The following SP100 variants were observed in gnomAD, a reference collection of about 807,000 sequenced individuals.
SP100 encodes the protein nuclear autoantigen Sp-100.
A neutral mutation model predicts 130.0 loss-of-function variants in SP100; 84 were observed. That is an observed-to-expected ratio of 0.65 (90% CI 0.54 to 0.77). The LOEUF is 0.77. Ranked by LOEUF, SP100 falls within the 30% of genes least tolerant of loss-of-function variation. The pLI is 0.00. For synonymous variants in SP100, 331 were observed against 351.7 expected, an observed-to-expected ratio of 0.94 and a Z score of 0.66; for missense variants, 978 against 1,052.2, an observed-to-expected ratio of 0.93 and a Z score of 0.97.
chr2:230,488,658 C>T (rs1279690601), intron 17 of SP100, among the ~76,000 whole-genome samples: 2 of 152,210 alleles, frequency 1.3e-5, no homozygotes, highest in Non-Finnish European at 2.9e-5. Flanking sequence ...CATGATCCAA[C>T]CGCCTCGGCC....
At chr2:230,526,244 C>T (rs774223255) in intron 24 of SP100, among the ~76,000 whole-genome samples, 2 of 152,158 alleles carry the variant, frequency 1.3e-5, no homozygotes, top group Non-Finnish European at 2.9e-5. Flanking sequence ...TGTTTTGCAG[C>T]CTCTGGTGGT....
chr2:230,540,693 G>A (rs191046028), intron 25 of SP100, among the ~76,000 whole-genome samples, 183 bp from the exon 26 acceptor site: 1 of 152,136 alleles, frequency 6.6e-6, no homozygotes, highest in East Asian at 1.9e-4. Context: ...TATCACTATT[G>A]GTGGGAGGGC....
intron 2 of SP100, among the ~76,000 whole-genome samples, chr2:230,432,996 C>T (rs745542368): frequency 9.2e-4 from 139 of 151,458 alleles, no homozygotes; most frequent in Non-Finnish European, 7.7e-4. Flanking sequence ...ATTTGGGAAA[C>T]GCAGTGAAAA....
chr2:230,514,617 A>G (rs905286155), intron 24 of SP100, among the ~76,000 whole-genome samples: 14 of 152,206 alleles, frequency 9.2e-5, no homozygotes, highest in African/African-American at 3.4e-4. Context: ...TATTTGCAAT[A>G]TAAGTTTTAG....
At chr2:230,450,024 C>G (rs1223361149) in intron 7 of SP100, 148 bp from the exon 8 acceptor site, 4 of 630,838 alleles carry the variant, frequency 6.3e-6, no homozygotes, top group Non-Finnish European at 1.1e-5. Context: ...ATCAATGAAG[C>G]ACGAACACCT....
At chr2:230,515,329 T>C in intron 24 of SP100, 1 of 1,613,740 alleles carries the variant, frequency 6.2e-7, no homozygotes, top group Non-Finnish European at 8.5e-7. Flanking sequence ...TTTGGCCTTT[T>C]TCCTGTTCTG....
In SP100 at chr2:230,514,837, T is replaced by C. The variant is rs538406724; in HGVS notation, c.2094+3671T>C. Among the ~76,000 whole-genome samples the C allele has an allele frequency of 2.6e-5, 4 of 152,180 alleles. No homozygotes were observed. In the South Asian group the frequency reaches 6.2e-4, roughly 24 times the overall value. ...TTGTAAGAATTGGGTAAATTCCTCC[T>C]TTCTTGAAGTCCCCCAAATACCTCA... On this transcript the variant is annotated intron_variant, in intron 24 of 28. Transcript: ENST00000340126.
intron 24 of SP100, among the ~76,000 whole-genome samples, chr2:230,514,015 C>T: frequency 6.6e-6 from 1 of 151,826 alleles, no homozygotes. Flanking sequence ...TTTATAGTTG[C>T]TGTTGCTTGT....
At chr2:230,447,167 G>A (rs1228777876) in intron 5 of SP100, among the ~76,000 whole-genome samples, 1 of 152,130 alleles carries the variant, frequency 6.6e-6, no homozygotes, top group African/African-American at 2.4e-5. Flanking sequence ...TTGTAATTTA[G>A]AAAGGTCCCT....
rs2066488035 is a variant in SP100, at chr2:230,493,313, G to A, written c.1601-1103G>A. Among the ~76,000 whole-genome samples, 3 of 152,154 alleles carry A rather than the reference G, an allele frequency of 2.0e-5. No homozygotes were observed. The South Asian group carries it at 6.2e-4, about 32-fold the overall frequency. On this transcript the variant is annotated intron_variant, in intron 17 of 28. Transcript: ENST00000340126. Reference sequence around the variant, plus strand: ...GCTCACTGCAACCTCCACCTCCCAGGTTCAAGTGATTCTCCTGCCTCAACC... The same window carrying A: ...GCTCACTGCAACCTCCACCTCCCAGATTCAAGTGATTCTCCTGCCTCAACC...
At chr2:230,524,384 A>T (rs1296310489) in intron 24 of SP100, among the ~76,000 whole-genome samples, 1 of 151,092 alleles carries the variant, frequency 6.6e-6, no homozygotes, top group African/African-American at 2.4e-5. Context: ...AAAAGAAAAG[A>T]AAAGGAAAAA....
chr2:230,502,084 G>C (rs975741374), intron 19 of SP100, among the ~76,000 whole-genome samples: 3 of 150,226 alleles, frequency 2.0e-5, no homozygotes, highest in African/African-American at 7.4e-5. Context: ...CACCATGTTG[G>C]CTAGGCTGGT....
At chr2:230,487,670 T>C (rs1007484771) in intron 17 of SP100, among the ~76,000 whole-genome samples, 6 of 152,178 alleles carry the variant, frequency 3.9e-5, no homozygotes, top group African/African-American at 1.4e-4. Flanking sequence ...TCTTCTTTGA[T>C]TCCAAATGAA....
chr2:230,439,952 T>C (rs571030975), intron 2 of SP100, among the ~76,000 whole-genome samples: 1 of 152,292 alleles, frequency 6.6e-6, no homozygotes, highest in Admixed American at 6.5e-5. Context: ...CATAAGGTTT[T>C]ATAAGGTCTG....
intron 24 of SP100, among the ~76,000 whole-genome samples, chr2:230,527,850 G>A (rs1413628786): frequency 2.6e-5 from 4 of 152,144 alleles, no homozygotes; most frequent in African/African-American, 4.8e-5. Flanking sequence ...TTATATAATG[G>A]TAAAGGAATC....
chr2:230,521,798 C>T (rs1053606544), intron 24 of SP100, among the ~76,000 whole-genome samples: 7 of 152,172 alleles, frequency 4.6e-5, no homozygotes, highest in African/African-American at 1.7e-4. Context: ...TGTGGATTCT[C>T]TCTGGCCCTG....
chr2:230,427,968 C>T lies in SP100; in HGVS notation c.107+10303C>T, dbSNP rs561216278. On this transcript the variant is annotated intron_variant, in intron 2 of 28. Coordinates refer to ENST00000340126, the MANE Select transcript of SP100 (RefSeq NM_001080391.2). ...ACCTGAGGCCAGCTGCAGTGGCTCA[C>T]GCCTGTAATCCCAGCACTTTGAGAG... 1.1e-4 allele frequency among the ~76,000 whole-genome samples: 17 copies of T among 152,312 alleles called. No homozygotes were observed. In the South Asian group the frequency reaches 2.5e-3, roughly 22 times the overall value.
chr2:230,477,933 TCAAAA>T (rs2065644881), intron 17 of SP100, among the ~76,000 whole-genome samples: 1 of 57,290 alleles, frequency 1.7e-5, no homozygotes, highest in African/African-American at 6.8e-5. Flanking sequence ...AGACCCTGTC[TCAAAA>T]CAAAACAAAC....
In SP100 at chr2:230,443,059, G is replaced by T; in HGVS notation, c.230G>T (p.Gly77Val). 6.2e-7 allele frequency: 1 copy of T among 1,614,000 alleles called. No individual in the cohort carries two copies. Residue 77 changes from glycine (G) to valine (V), a missense_variant, in exon 3 of 29, where the codon GGC becomes GTC. Transcript: ENST00000340126. ...AIKKTFPFLE[G>V]LRDRDLITNK... ...AAAAAGACATTTCCATTCCTCGAGGGCCTCCGTGATCGTGATCTCATCACA... is the reference window on the plus strand; with the variant it reads ...AAAAAGACATTTCCATTCCTCGAGGTCCTCCGTGATCGTGATCTCATCACA...
Sources: allele counts gnomAD v4.1 joint callset (sites outside exome capture counted in the v4.1 genomes callset), GRCh38; gene constraint gnomAD v4.1.1; transcripts MANE v1.5; gene names NCBI Gene and HGNC (gene_info 2026-07-23, HGNC 2026-07-21).